Variants in CDKL3 observed in about 807,000 individuals in gnomAD.
The protein encoded by CDKL3 is cyclin dependent kinase like 3.
CDKL3 carries 65 observed loss-of-function variants against 69.3 expected under a neutral mutation model. That is an observed-to-expected ratio of 0.94 (90% CI 0.77 to 1.15). The LOEUF is 1.15. CDKL3 is among the 50% of genes most tolerant of loss of function. CDKL3 has a pLI of 0.00. For synonymous variants in CDKL3, 202 were observed against 221.6 expected, an observed-to-expected ratio of 0.91 and a Z score of 0.79; for missense variants, 652 against 689.2, an observed-to-expected ratio of 0.95 and a Z score of 0.61.
intron 4 of CDKL3, among the ~76,000 whole-genome samples, chr5:134,343,357 C>G (rs1424112709): frequency 6.6e-6 from 1 of 152,150 alleles, no homozygotes; most frequent in African/African-American, 2.4e-5. Flanking sequence ...TAATTGACTC[C>G]ATCTTGCTTC....
chr5:134,337,727 CT>C (rs1360751728), intron 4 of CDKL3, among the ~76,000 whole-genome samples: 1 of 152,150 alleles, frequency 6.6e-6, no homozygotes, highest in African/African-American at 2.4e-5. Flanking sequence ...AAATAAAGAA[CT>C]TTTCATAAAG....
chr5:134,333,796 C>T (rs896653569), intron 4 of CDKL3, among the ~76,000 whole-genome samples: 1 of 152,116 alleles, frequency 6.6e-6, no homozygotes, highest in African/African-American at 2.4e-5. Context: ...TTCTGCCAGG[C>T]TTTTGTATCA....
chr5:134,350,058 T>A (rs183282788), intron 4 of CDKL3, among the ~76,000 whole-genome samples, 191 bp downstream of exon 4: 1 of 152,002 alleles, frequency 6.6e-6, no homozygotes, highest in South Asian at 2.1e-4. Flanking sequence ...AGTGGTGGTG[T>A]GCACCTGTAG....
At chr5:134,309,389 C>T (rs76482241) in intron 7 of CDKL3, among the ~76,000 whole-genome samples, 13,952 of 152,224 alleles carry the variant, frequency 0.092, 709 homozygotes, top group Admixed American at 0.15. Flanking sequence ...AGCTGTGGTT[C>T]TTTAAAGTAA....
chr5:134,332,636 C>A (rs1174847632), intron 4 of CDKL3, among the ~76,000 whole-genome samples: 1 of 152,186 alleles, frequency 6.6e-6, no homozygotes, highest in Non-Finnish European at 1.5e-5. Context: ...GGCCTCTGTT[C>A]TGTTCCATTG....
downstream of CDKL3, among the ~76,000 whole-genome samples, chr5:134,295,887 G>A (rs914247356): frequency 6.6e-6 from 1 of 151,962 alleles, no homozygotes; most frequent in African/African-American, 2.4e-5. Flanking sequence ...CTAGAAGAAT[G>A]CTGACAATTT....
At chr5:134,334,784 A>G (rs542057581) in intron 4 of CDKL3, among the ~76,000 whole-genome samples, 181 of 152,294 alleles carry the variant, frequency 1.2e-3, no homozygotes, top group Non-Finnish European at 2.3e-3. Flanking sequence ...AAGAATGTAT[A>G]TTCTGTTGAT....
chr5:134,317,299 C>T (rs1771373235), intron 6 of CDKL3, among the ~76,000 whole-genome samples: 1 of 152,002 alleles, frequency 6.6e-6, no homozygotes. Context: ...CCACGCCCGG[C>T]TAATTTTTGT....
At chr5:134,299,882 C>T in intron 12 of CDKL3, 1 of 586,652 alleles carries the variant, frequency 1.7e-6, no homozygotes, top group Non-Finnish European at 2.9e-6. Context: ...AACTATTTAG[C>T]AATGTATTCC....
rs556655500 is a variant in CDKL3 at position 134,288,255 on chromosome 5, C to G, written c.*678-1696G>C. Among the ~76,000 whole-genome samples, 6 of 152,262 alleles carry G rather than the reference C, an allele frequency of 3.9e-5. No individual in the cohort carries two copies. In the South Asian group the frequency reaches 1.0e-3, roughly 26 times the overall value. ...AACTCTGAGAAAATCCAATGTAACC[C>G]CAAATGATAAAAGTTGGAAAGTGTT... On this transcript the variant is annotated intron_variant and NMD_transcript_variant, in intron 8 of 8. Coordinates refer to the CDKL3 transcript ENST00000519312.
intron 5 of CDKL3, among the ~76,000 whole-genome samples, chr5:134,320,465 C>T (rs1026210306): frequency 6.6e-6 from 1 of 152,072 alleles, no homozygotes; most frequent in African/African-American, 2.4e-5. Flanking sequence ...GTAGTCCCAG[C>T]CACTCAGCAG....
At chr5:134,337,011 G>C (rs1777282960) in intron 4 of CDKL3, among the ~76,000 whole-genome samples, 1 of 152,206 alleles carries the variant, frequency 6.6e-6, no homozygotes. Context: ...CTGCTGCTTT[G>C]TTTACACTGT....
rs770671057 is a variant in CDKL3 at position 134,308,668 on chromosome 5, T to C, written c.941A>G (p.Lys314Arg). The C allele has an allele frequency of 4.4e-6, 7 of 1,607,994 alleles. No individual in the cohort carries two copies. Among genetic ancestry groups the C allele is most frequent in the Non-Finnish European group, 5.9e-6 (7 of 1,178,484 alleles). Residue 314 changes from lysine to arginine, a missense_variant, in exon 8 of 13, where the codon AAG becomes AGG. Transcript: ENST00000265334. ...LQEAKVNSLI[K>R]PKESSKENEL... ...ATTTTCTTTAGAACTCTCTTTTGGC[T>C]TTATTAATGAATTGACTTTTGCTTC...
chr5:134,330,365 T>C (rs1775478515), intron 4 of CDKL3, among the ~76,000 whole-genome samples: 2 of 152,198 alleles, frequency 1.3e-5, no homozygotes, highest in Admixed American at 1.3e-4. Context: ...AGCATGGTCA[T>C]GGTGGAGATG....
At chr5:134,304,827 T>C (rs955512809) in intron 10 of CDKL3, among the ~76,000 whole-genome samples, 5 of 147,320 alleles carry the variant, frequency 3.4e-5, no homozygotes, top group Non-Finnish European at 7.4e-5. Flanking sequence ...ATAATAATAA[T>C]AATAATATTA....
At chr5:134,316,623 C>T (rs954910262) in intron 6 of CDKL3, among the ~76,000 whole-genome samples, 1 of 151,758 alleles carries the variant, frequency 6.6e-6, no homozygotes, top group Non-Finnish European at 1.5e-5. Flanking sequence ...TTTATTGTCA[C>T]ATCTTTACCA....
At chr5:134,363,246 A>G (rs10491287) in intron 2 of CDKL3, among the ~76,000 whole-genome samples, 20,443 of 152,136 alleles carry the variant, frequency 0.13, 1,650 homozygotes, top group African/African-American at 0.21. Context: ...TCACAAAATC[A>G]TAACATCTTT....
chr5:134,317,401 G>A (rs1159640273), intron 6 of CDKL3, among the ~76,000 whole-genome samples: 9 of 152,052 alleles, frequency 5.9e-5, no homozygotes, highest in East Asian at 1.9e-4. Flanking sequence ...TGATCCACCC[G>A]CCTCAGCCTC....
At chr5:134,318,860 G>A (rs1428388923) in intron 6 of CDKL3, among the ~76,000 whole-genome samples, 3 of 151,882 alleles carry the variant, frequency 2.0e-5, no homozygotes, top group East Asian at 3.9e-4. Flanking sequence ...ATCTTAGGGG[G>A]CATTCAGCTC....
Sources: gnomAD v4.1 joint callset for allele counts (sites outside exome capture counted in the v4.1 genomes callset) on GRCh38, gnomAD v4.1.1 for gene constraint, MANE v1.5 for transcripts, NCBI Gene and HGNC (gene_info 2026-07-23, HGNC 2026-07-21) for gene names.